Variants in SLC22A31 observed in about 807,000 individuals in gnomAD.
SLC22A31 encodes solute carrier family 22 member 31, also known as putative solute carrier family 22 member 31.
SLC22A31 carries 42 observed loss-of-function variants against 27.4 expected under a neutral mutation model. The observed-to-expected ratio is 1.53, with a 90% CI of 1.20 to 1.98. The LOEUF (loss-of-function observed/expected upper bound fraction) is 1.98. Ranked by LOEUF, SLC22A31 falls within the 30% of genes most tolerant of loss-of-function variation. SLC22A31 has a pLI of 0.00. For missense variants in SLC22A31, 593 were observed against 479.9 expected (o/e 1.24, Z -2.20); for synonymous variants, 290 against 230.8 (o/e 1.26, Z -2.33).
intron 7 of SLC22A31, 46 bp from the exon 8 acceptor site, chr16:89,197,455 C>A: frequency 7.3e-7 from 1 of 1,361,244 alleles, no homozygotes; most frequent in Non-Finnish European, 1.0e-6. Context: ...CCCAGGCCTT[C>A]CACCCTGGCC....
chr16:89,199,078 G>A lies in SLC22A31; in HGVS notation c.397C>T (p.Arg133Cys), dbSNP rs1158750370. 10 of 1,535,638 alleles carry A rather than the reference G, an allele frequency of 6.5e-6. No individual in the cohort carries two copies. Among genetic ancestry groups the A allele is most frequent in the Middle Eastern group, 1.7e-4 (1 of 5,988 alleles). The change falls in exon 4 of 9, where the codon CGT becomes TGT. Residue 133 changes from arginine (R) to cysteine (C), a missense_variant. By Grantham distance (180) the Arg-to-Cys change is radical (BLOSUM62 -3). Transcript: ENST00000682282. ...PGLAALVQDW[R>C]LLQGLGALMS... ...AGGGCACCCAGCCCCTGCAGAAGAC[G>A]CCAGTCCTGCACAAGCGCAGCCAGG...
chr16:89,199,636 G>A, intron 2 of SLC22A31, 69 bp from the exon 3 acceptor site: 1 of 407,526 alleles, frequency 2.5e-6, no homozygotes. Context: ...CATCCTGGCA[G>A]CACCAGGTCT....
At chr16:89,199,249 T>C (rs371969784) in intron 3 of SLC22A31, 58 bp from the exon 4 acceptor site, 189 of 1,445,382 alleles carry the variant, frequency 1.3e-4, no homozygotes, top group African/African-American at 1.1e-3. Flanking sequence ...AACAGTTCCA[T>C]TGGGAACTGC....
rs1301324594 is a variant in SLC22A31 at position 89,197,284 on chromosome 16, A to T, written c.1034+14T>A. The T allele has an allele frequency of 1.3e-6, 2 of 1,533,536 alleles. No homozygotes were observed. 95.0% of individuals were successfully genotyped at this position (1,533,536 alleles called of 1,614,324 possible). On this transcript the variant is annotated intron_variant, in intron 8 of 8. Coordinates refer to ENST00000682282, the MANE Select transcript of SLC22A31 (RefSeq NM_001384763.1). ...CTGGACCCTGCTGTGTGGCCGGGCA[A>T]CCCTGAAGCTCACCTGATCACCGTG...
chr16:89,198,522 G>C lies in SLC22A31; in HGVS notation c.627C>G (p.Pro209=). ...TELTMLSARS[P]QPRYHSPLGL... is the part of the protein sequence containing the mutation. Reference sequence around the variant, plus strand: ...CCAGTGGGGAGTGGTACCGGGGCTGGGGGCTCCGTGCAGACAGCATGGTCA... The same window carrying C: ...CCAGTGGGGAGTGGTACCGGGGCTGCGGGCTCCGTGCAGACAGCATGGTCA... Residue 209 remains proline, a synonymous_variant, in exon 6 of 9, where the codon CCC becomes CCG. Transcript: ENST00000682282. 6.6e-7 allele frequency: 1 copy of C among 1,510,108 alleles called. No homozygotes were observed. The highest frequency in any genetic ancestry group is 8.8e-7 in the Non-Finnish European group (1 of 1,131,722). 93.5% of individuals were successfully genotyped at this position (1,510,108 alleles called of 1,614,324 possible).
At chr16:89,196,924 G>A (rs997479826) in intron 8 of SLC22A31, among the ~76,000 whole-genome samples, 1 of 149,170 alleles carries the variant, frequency 6.7e-6, no homozygotes, top group Non-Finnish European at 1.5e-5. Context: ...CCAGCCTGGT[G>A]ACAGAGCGAG....
intron 7 of SLC22A31, among the ~76,000 whole-genome samples, chr16:89,197,728 T>C (rs1225864721): frequency 1.3e-5 from 2 of 152,204 alleles, no homozygotes; most frequent in Non-Finnish European, 1.5e-5. Context: ...CTCGAATACG[T>C]TGGAAGCAAG....
chr16:89,200,116 A>G (rs1916409175), intron 1 of SLC22A31: 1 of 286,522 alleles, frequency 3.5e-6, no homozygotes, highest in Non-Finnish European at 6.4e-6. Context: ...CCCCACGGCC[A>G]GCTCTTGTCC....
Position 89,199,131 on chromosome 16 carries a change from G to T in SLC22A31, c.344C>A (p.Ser115Ter). Residue 115 changes from serine to a stop codon, truncating the protein, a stop_gained, in exon 4 of 9, where the codon TCG becomes TAG. Transcript: ENST00000682282. LOFTEE classifies it high-confidence loss of function. ...GGGCAGCAGCAGGGTGCCCACCACC[G>T]AGAAAAGGCCAGCCCCCATGGAGAA... The part of the protein sequence containing the change: ...LAFSMGAGLF[S>*]VVGTLLLPGL... 6.5e-7 allele frequency: 1 copy of T among 1,535,332 alleles called. No individual in the cohort carries two copies. The highest frequency in any genetic ancestry group is 1.2e-5 in the South Asian group (1 of 83,988).
At chr16:89,196,516 G>T in intron 8 of SLC22A31, 3 of 835,276 alleles carry the variant, frequency 3.6e-6, no homozygotes, top group Non-Finnish European at 5.4e-6. Flanking sequence ...ACAGATTGGG[G>T]GACACACATG....
chr16:89,196,154 G>A lies in SLC22A31; in HGVS notation c.1186C>T (p.Pro396Ser). The A allele has an allele frequency of 1.3e-6, 2 of 1,535,134 alleles. No individual in the cohort carries two copies. Among genetic ancestry groups the A allele is most frequent in the Non-Finnish European group, 1.7e-6 (2 of 1,146,524 alleles). ...VLALLCVLLL[P>S]ESRSRGLPQS... ...GGCAGCCCCCGGCTTCGGCTCTCAG[G>A]CAGCAGCAGGACACACAGCAGGGCA... Residue 396 changes from proline (P) to serine (S), a missense_variant, in exon 9 of 9, where the codon CCT becomes TCT. Transcript: ENST00000682282.
Position 89,196,163 on chromosome 16 carries a change from G to C in SLC22A31, c.1177C>G (p.Leu393Val), listed in dbSNP as rs1165210792. The change falls in exon 9 of 9, where the codon CTG (leucine) becomes GTG (valine). Residue 393 changes from leucine (L) to valine (V), a missense_variant. By Grantham distance (32) the Leu-to-Val change is conservative. Coordinates refer to ENST00000682282, the MANE Select transcript of SLC22A31 (RefSeq NM_001384763.1). ...CGGCTTCGGCTCTCAGGCAGCAGCA[G>C]GACACACAGCAGGGCAAGGACAGCA... ...SLAVLALLCV[L>V]LLPESRSRGL... is the part of the protein sequence containing the mutation. 2 of 1,535,208 alleles carry C rather than the reference G, an allele frequency of 1.3e-6. No individual in the cohort carries two copies. Among genetic ancestry groups the C allele is most frequent in the Non-Finnish European group, 1.7e-6 (2 of 1,146,528 alleles).
intron 8 of SLC22A31, among the ~76,000 whole-genome samples, chr16:89,197,068 C>T (rs555661904): frequency 6.6e-6 from 1 of 152,292 alleles, no homozygotes; most frequent in Non-Finnish European, 1.5e-5. Context: ...GCCTGCGTGG[C>T]CTTCCCTCCC....
At chr16:89,196,364 G>GC in intron 8 of SLC22A31, 59 bp from the exon 9 acceptor site, 1 of 1,004,806 alleles carries the variant, frequency 1.0e-6, no homozygotes, top group Non-Finnish European at 1.3e-6. Flanking sequence ...CCGGCCCCCA[G>GC]CACCAGGCCC....
At position 89,196,069 on chromosome 16, in the gene SLC22A31, C is replaced by T. The variant is rs564641893; in HGVS notation, c.1271G>A (p.Arg424His). The change falls in exon 9 of 9, where the codon CGC (arginine) becomes CAC (histidine). Residue 424 changes from arginine to histidine, a missense_variant. Coordinates refer to ENST00000682282, the MANE Select transcript of SLC22A31 (RefSeq NM_001384763.1). ...CGGCAGCAGAGGCAGGTGGTCCTGG[C>T]GGGGGCGGCCCCGCAGGAGTGGGGA... ...RRSPLLRGRPRQDHLPLLPPS... is the reference protein window; with the variant it reads ...RRSPLLRGRPHQDHLPLLPPS... 2,263 of 1,531,176 alleles carry T rather than the reference C, an allele frequency of 1.5e-3. 49 individuals are homozygous for T. The South Asian group carries it at 0.025, about 17-fold the overall frequency. The allele number at this position is 1,531,176 out of a possible 1,614,324, so 94.8% of individuals were successfully genotyped here. A position where few individuals can be genotyped will look rare whatever the true frequency, so the allele number is the denominator to read the frequency against.
intron 1 of SLC22A31, chr16:89,200,107 C>A: frequency 3.4e-6 from 1 of 297,434 alleles, no homozygotes; most frequent in African/African-American, 2.2e-5. Context: ...TTGCTCTTCC[C>A]CCACGGCCAG....
At chr16:89,201,359 G>C, upstream of SLC22A31, 1 of 186,456 alleles carries the variant, frequency 5.4e-6, no homozygotes, top group Non-Finnish European at 8.4e-6. Flanking sequence ...CGCGGGGCGC[G>C]GGCCCGGGGC....
At chr16:89,196,517 G>T in intron 8 of SLC22A31, 2 of 835,246 alleles carry the variant, frequency 2.4e-6, no homozygotes, top group Non-Finnish European at 3.6e-6. Flanking sequence ...CAGATTGGGG[G>T]ACACACATGT....
At position 89,198,772 on chromosome 16, in the gene SLC22A31, G is replaced by A. The variant is rs963772456; in HGVS notation, c.478C>T (p.Pro160Ser). 3.4e-5 allele frequency: 52 copies of A among 1,533,800 alleles called. No homozygotes were observed. Among genetic ancestry groups the A allele is most frequent in the Non-Finnish European group, 4.1e-5 (47 of 1,145,242 alleles). ...TGACCTGTGGCCAGCAGCCAGCAGG[G>A]AGACTCGGGGAACAGGGCCGGGAAC... ...WGFPALFPES[P>S]CWLLATGQVA... The change falls in exon 5 of 9, where the codon CCC becomes TCC. Residue 160 changes from proline to serine, a missense_variant. Coordinates refer to ENST00000682282, the MANE Select transcript of SLC22A31 (RefSeq NM_001384763.1).
Sources: gnomAD v4.1 joint callset for allele counts (sites outside exome capture counted in the v4.1 genomes callset) on GRCh38, gnomAD v4.1.1 for gene constraint, MANE v1.5 for transcripts, NCBI Gene and HGNC (gene_info 2026-07-23, HGNC 2026-07-21) for gene names.